PADI2: variants seen among roughly 807,000 people sequenced by gnomAD.
PADI2 encodes peptidyl arginine deiminase 2.
A neutral mutation model predicts 81.1 loss-of-function variants in PADI2; 70 were observed. The ratio of observed to expected loss-of-function variants is 0.86; its 90% CI spans 0.71 to 1.05. The LOEUF is 1.05. Among genes scored for constraint, PADI2 ranks in the 50% least tolerant of loss-of-function variants. The pLI, the probability that PADI2 is intolerant of heterozygous loss-of-function variation, is 0.00. For synonymous variants in PADI2, 338 were observed against 358.0 expected, an observed-to-expected ratio of 0.94 and a Z score of 0.63; for missense variants, 853 against 889.9, an observed-to-expected ratio of 0.96 and a Z score of 0.53.
intron 7 of PADI2, among the ~76,000 whole-genome samples, chr1:17,085,636 T>C (rs1380380555): frequency 6.6e-6 from 1 of 152,188 alleles, no homozygotes; most frequent in Non-Finnish European, 1.5e-5. Flanking sequence ...TACCCTTAAC[T>C]AAGGAAATTA....
chr1:17,070,909 A>G (rs1472702041), intron 14 of PADI2, among the ~76,000 whole-genome samples: 6 of 152,084 alleles, frequency 3.9e-5, no homozygotes, highest in Admixed American at 3.9e-4. Flanking sequence ...TGATCTGCCC[A>G]CCTCAGTCTC....
At chr1:17,110,018 T>A (rs1447929843) in intron 1 of PADI2, among the ~76,000 whole-genome samples, 2 of 152,042 alleles carry the variant, frequency 1.3e-5, no homozygotes, top group Non-Finnish European at 2.9e-5. Flanking sequence ...CCCCACACCC[T>A]CCTATTCCCC....
intron 3 of PADI2, 95 bp downstream of exon 3, chr1:17,102,892 A>G: frequency 1.2e-6 from 1 of 863,264 alleles, no homozygotes; most frequent in Non-Finnish European, 1.9e-6. Flanking sequence ...GTGCCAGGTC[A>G]GCCGCACTGA....
At position 17,092,445 on chromosome 1, in the gene PADI2, C is replaced by T. The variant is rs1466954361; in HGVS notation, c.618G>A (p.Met206Ile). The T allele has an allele frequency of 5.0e-6, 8 of 1,607,170 alleles. No individual in the cohort carries two copies. Among genetic ancestry groups the T allele is most frequent in the Non-Finnish European group, 6.8e-6 (8 of 1,177,294 alleles). ...AGYEIVLYIS[M>I]SDSDKVGVFY... ...ACACGCCCACTTTGTCTGAGTCTGA[C>T]ATGGAAATGTACAGAACTATCTCGT... The change falls in exon 6 of 16, where the codon ATG (methionine) becomes ATA (isoleucine). Residue 206 changes from methionine (M) to isoleucine (I), a missense_variant. Coordinates refer to ENST00000375486, the MANE Select transcript of PADI2 (RefSeq NM_007365.3).
chr1:17,119,200 TC>T lies in PADI2; in HGVS notation c.92+79del. On this transcript the variant is annotated intron_variant, in intron 1 of 15. Transcript: ENST00000375486. This position sits in a 1 kb window ranked among gnomAD's most constrained non-coding sequence, Gnocchi z 4.8. ...GACAACTCGGGCTGGACAAAGGCTGTCCACGTCCCCGAGTCTGAGCGCGTCT... is the reference window on the plus strand; with the variant it reads ...GACAACTCGGGCTGGACAAAGGCTGTCACGTCCCCGAGTCTGAGCGCGTCT... The T allele has an allele frequency of 9.7e-7, 1 of 1,028,544 alleles. No individual in the cohort carries two copies. Among genetic ancestry groups the T allele is most frequent in the Non-Finnish European group, 1.4e-6 (1 of 704,666 alleles). The allele number at this position is 1,028,544 out of a possible 1,614,324, so 63.7% of individuals were successfully genotyped here. A position where few individuals can be genotyped will look rare whatever the true frequency, so the allele number is the denominator to read the frequency against.
At chr1:17,093,374 G>A (rs1280262115) in intron 5 of PADI2, among the ~76,000 whole-genome samples, 193 bp downstream of exon 5, 4 of 152,172 alleles carry the variant, frequency 2.6e-5, no homozygotes, top group African/African-American at 9.7e-5. Context: ...GATTACAGGT[G>A]TGAGCCACCA....
intron 2 of PADI2, among the ~76,000 whole-genome samples, chr1:17,104,016 C>T (rs189846973): frequency 9.3e-5 from 14 of 150,986 alleles, no homozygotes; most frequent in Non-Finnish European, 1.3e-4. Flanking sequence ...GCCGCGGTGG[C>T]TCACGCCTGT....
intron 11 of PADI2, among the ~76,000 whole-genome samples, chr1:17,076,854 G>A (rs34778293): frequency 0.08 from 12,120 of 152,054 alleles, 594 homozygotes; most frequent in Middle Eastern, 0.13. Context: ...TGGGATTACA[G>A]GTGTGAGCCA....
Position 17,066,850 on chromosome 1 carries a change from A to G in PADI2, c.*2194T>C, listed in dbSNP as rs1262197361. The G allele has an allele frequency of 6.6e-6, 1 of 152,184 alleles. No individual in the cohort carries two copies. 9.4% of individuals were successfully genotyped at this position (152,184 alleles called of 1,614,324 possible). On this transcript the variant is annotated 3_prime_UTR_variant, in exon 16 of 16. Coordinates refer to ENST00000375486, the MANE Select transcript of PADI2 (RefSeq NM_007365.3). Reference sequence around the variant, plus strand: ...ATCTCCACCACAGGCTCTTTTCCAGAAATTTGAAACTGTGTTCTTCTTGCC... The same window carrying G: ...ATCTCCACCACAGGCTCTTTTCCAGGAATTTGAAACTGTGTTCTTCTTGCC...
At chr1:17,069,830 T>C (rs1284924114) in intron 15 of PADI2, among the ~76,000 whole-genome samples, 3 of 152,242 alleles carry the variant, frequency 2.0e-5, no homozygotes, top group African/African-American at 4.8e-5. Flanking sequence ...AAAGGACTTC[T>C]AATCTTTTGC....
At position 17,086,529 on chromosome 1, in the gene PADI2, T is replaced by C. The variant is rs1325762477; in HGVS notation, c.826A>G (p.Met276Val). 3.1e-6 allele frequency: 5 copies of C among 1,613,002 alleles called. No homozygotes were observed. The highest frequency in any genetic ancestry group is 2.2e-5 in the South Asian group (2 of 91,022). ...VSIHVSLLEYMAQDIPLTPIF... is the reference protein window; with the variant it reads ...VSIHVSLLEYVAQDIPLTPIF... ...AGGCCTGGAGCCCTCACCTGGGCCA[T>C]GTACTCCAGCAGGCTGACATGGATG... is the stretch of plus-strand genomic sequence containing the variant. Residue 276 changes from methionine to valine, a missense_variant, in exon 7 of 16, where the codon ATG becomes GTG. Coordinates refer to ENST00000375486, the MANE Select transcript of PADI2 (RefSeq NM_007365.3).
chr1:17,114,156 C>G (rs1359064260), intron 1 of PADI2, among the ~76,000 whole-genome samples: 1 of 152,236 alleles, frequency 6.6e-6, no homozygotes, highest in Non-Finnish European at 1.5e-5. Context: ...CTGCTCGGGC[C>G]AAGCTTGGCC....
intron 10 of PADI2, among the ~76,000 whole-genome samples, chr1:17,080,083 G>A (rs531592463): frequency 2.0e-4 from 31 of 152,204 alleles, no homozygotes; most frequent in East Asian, 5.8e-4. Context: ...GAGCCACTGC[G>A]CCCAGCCCGT....
Position 17,086,618 on chromosome 1 carries a change from G to A in PADI2, c.737C>T (p.Ala246Val), listed in dbSNP as rs1379668694. ...YHVVKYTGGS[A>V]ELLFFVEGLC... ...GCCTTCCACGAAGAACAGCAGCTCC[G>A]CGGAGCCACCCGTGTACTTGACCAC... The change falls in exon 7 of 16, where the codon GCG (alanine) becomes GTG (valine). Residue 246 changes from alanine to valine, a missense_variant. Transcript: ENST00000375486. The A allele has an allele frequency of 1.9e-6, 3 of 1,613,936 alleles. No individual in the cohort carries two copies. Among genetic ancestry groups the A allele is most frequent in the East Asian group, 2.2e-5 (1 of 44,876 alleles).
chr1:17,111,328 C>T lies in PADI2; in HGVS notation c.93-6267G>A, dbSNP rs184000274. Among the ~76,000 whole-genome samples, 150 of 152,126 alleles carry T rather than the reference C, an allele frequency of 9.9e-4. 1 individual carries two copies. Among genetic ancestry groups the T allele is most frequent in the African/African-American group, 3.6e-3 (148 of 41,492 alleles). ...CAGGCTGGTTTGGGACTCCTGACTT[C>T]AAGTGATCTGCCCGCCTCAGCCTCC... On this transcript the variant is annotated intron_variant, in intron 1 of 15. Coordinates refer to ENST00000375486, the MANE Select transcript of PADI2 (RefSeq NM_007365.3).
At chr1:17,079,455 C>A in intron 10 of PADI2, 40 bp from the exon 11 acceptor site, 1 of 1,546,814 alleles carries the variant, frequency 6.5e-7, no homozygotes, top group South Asian at 1.1e-5. Context: ...CTTCTGCAGC[C>A]AGGGTCCTCA....
At chr1:17,112,802 C>G (rs984115016) in intron 1 of PADI2, among the ~76,000 whole-genome samples, 1 of 152,208 alleles carries the variant, frequency 6.6e-6, no homozygotes, top group African/African-American at 2.4e-5. Context: ...CTACTCCTCT[C>G]CTCAGAAACC....
intron 1 of PADI2, among the ~76,000 whole-genome samples, chr1:17,118,772 G>A (rs1931843480): frequency 6.6e-6 from 1 of 152,178 alleles, no homozygotes; most frequent in African/African-American, 2.4e-5. Context: ...ATCGGAGCCT[G>A]AGTAACCTCC....
intron 1 of PADI2, among the ~76,000 whole-genome samples, chr1:17,117,592 G>T (rs1379915022): frequency 6.6e-6 from 1 of 152,152 alleles, no homozygotes; most frequent in Non-Finnish European, 1.5e-5. Flanking sequence ...GCTAGAGGGA[G>T]GCTGAGTCCA....
Sources: gnomAD v4.1 joint callset for allele counts (sites outside exome capture counted in the v4.1 genomes callset) on GRCh38, gnomAD v4.1.1 for gene constraint, Gnocchi (gnomAD v3.1) non-coding constraint, MANE v1.5 for transcripts, NCBI Gene and HGNC (gene_info 2026-07-23, HGNC 2026-07-21) for gene names.